CUX1: variants seen among roughly 807,000 people sequenced by gnomAD.
CUX1 encodes the protein protein CASP.
Under a neutral mutation model 158.8 loss-of-function variants are expected in CUX1, and 31 were observed. That is an observed-to-expected ratio of 0.20 (90% CI 0.15 to 0.26). The LOEUF is 0.26. CUX1 is among the 10% of genes least tolerant of loss of function. The pLI, the probability that CUX1 is intolerant of heterozygous loss-of-function variation, is 1.00. For missense variants in CUX1, 1,589 were observed against 2,014.6 expected (o/e 0.79, Z 4.04); for synonymous variants, 879 against 862.1 (o/e 1.02, Z -0.34).
chr7:101,838,369 A>T (rs1308704169), intron 1 of CUX1, among the ~76,000 whole-genome samples: 4 of 148,762 alleles, frequency 2.7e-5, no homozygotes. Flanking sequence ...ATCTCAGGTG[A>T]TCAACCCACC....
chr7:101,823,911 A>G (rs1019396194), intron 1 of CUX1, among the ~76,000 whole-genome samples: 3 of 152,192 alleles, frequency 2.0e-5, no homozygotes, highest in Non-Finnish European at 4.4e-5. Context: ...CACCCAGCAT[A>G]TGAAAAAACC....
chr7:102,186,302 C>T (rs949989079), intron 11 of CUX1, among the ~76,000 whole-genome samples: 1 of 152,088 alleles, frequency 6.6e-6, no homozygotes, highest in Non-Finnish European at 1.5e-5. Flanking sequence ...AGAAGCGTCG[C>T]CAAGCAGCCT....
chr7:102,206,227 G>T (rs140463853), intron 20 of CUX1, among the ~76,000 whole-genome samples: 49 of 152,258 alleles, frequency 3.2e-4, no homozygotes, highest in African/African-American at 1.2e-3. Flanking sequence ...AGAGTTCTGC[G>T]TGTTTTCCGT....
chr7:101,830,198 C>T (rs938157491), intron 1 of CUX1, among the ~76,000 whole-genome samples: 2 of 152,210 alleles, frequency 1.3e-5, no homozygotes, highest in African/African-American at 2.4e-5. Context: ...GATGTAGCCC[C>T]TGCAGTGATA....
At position 102,204,498 on chromosome 7, in the gene CUX1, G is replaced by T. The variant is rs782471761; in HGVS notation, c.3015G>T (p.Trp1005Cys). The stretch of plus-strand genomic sequence containing the variant: ...AACCCTTCATCCGGATGCAGCTCTG[G>T]CTGAACGGCGAGCTAGGCCAGGGTG... ...GREPFIRMQL[W>C]LNGELGQGVL... is the part of the protein sequence containing the mutation. Residue 1005 changes from tryptophan to cysteine, a missense_variant, in exon 19 of 24, where the codon TGG (tryptophan) becomes TGT (cysteine). Coordinates refer to ENST00000292535, the MANE Select transcript of CUX1 (RefSeq NM_181552.4). The T allele has an allele frequency of 6.2e-7, 1 of 1,613,796 alleles. No individual in the cohort carries two copies. Among genetic ancestry groups the T allele is most frequent in the South Asian group, 1.1e-5 (1 of 91,088 alleles).
At chr7:102,094,926 T>G (rs1277481326) in intron 4 of CUX1, among the ~76,000 whole-genome samples, 1 of 152,114 alleles carries the variant, frequency 6.6e-6, no homozygotes, top group Non-Finnish European at 1.5e-5. Flanking sequence ...AAACAGCACC[T>G]GGAATCTTTT....
chr7:101,822,907 A>G (rs1481959073), intron 1 of CUX1, among the ~76,000 whole-genome samples: 6 of 140,738 alleles, frequency 4.3e-5, no homozygotes, highest in Non-Finnish European at 1.5e-5. Flanking sequence ...TCTGTCTCAG[A>G]AAAAAAAAAA....
intron 20 of CUX1, among the ~76,000 whole-genome samples, chr7:102,209,550 G>A (rs1033459768): frequency 3.3e-5 from 5 of 152,122 alleles, no homozygotes; most frequent in African/African-American, 7.2e-5. Context: ...TTCCTGGTAC[G>A]TCTTAACTTT....
At chr7:102,184,680 C>G (rs547235057) in intron 11 of CUX1, among the ~76,000 whole-genome samples, 1 of 152,200 alleles carries the variant, frequency 6.6e-6, no homozygotes, top group African/African-American at 2.4e-5. Context: ...GGATCTTGCT[C>G]TTTTGCCCCA....
chr7:102,065,878 C>T (rs1184564868), intron 3 of CUX1, among the ~76,000 whole-genome samples: 1 of 99,584 alleles, frequency 1.0e-5, no homozygotes, highest in Non-Finnish European at 2.0e-5. Context: ...GCAACCTCCG[C>T]CTCCTGGGTT....
chr7:101,919,468 G>T (rs1251401200), intron 2 of CUX1, among the ~76,000 whole-genome samples: 1 of 152,186 alleles, frequency 6.6e-6, no homozygotes, highest in Non-Finnish European at 1.5e-5. Flanking sequence ...GGGTAGGACA[G>T]CCTGGCTTAC....
At chr7:101,896,131 C>G (rs1312112259) in intron 1 of CUX1, among the ~76,000 whole-genome samples, 3 of 151,868 alleles carry the variant, frequency 2.0e-5, no homozygotes, top group Admixed American at 6.6e-5. Context: ...ACTCCTGAAG[C>G]AATCCGCCCA....
At position 102,257,306 on chromosome 7, in the gene CUX1, C is replaced by CT. The variant is rs35391223; in HGVS notation, c.*8275dup. On this transcript the variant is annotated 3_prime_UTR_variant, in exon 24 of 24. Transcript: ENST00000292535. ...CAATGGTCCCCATCTCCCCAGAAGCCTTTTTTTTTTTCATTTTTCTCTAAT... is the reference window on the plus strand; with the variant it reads ...CAATGGTCCCCATCTCCCCAGAAGCCTTTTTTTTTTTTCATTTTTCTCTAAT... 0.21 allele frequency: 158,764 copies of CT among 771,940 alleles called. 5,252 individuals carry two copies. Among genetic ancestry groups the CT allele is most frequent in the Non-Finnish European group, 0.22 (138,625 of 639,884 alleles). 47.8% of individuals were successfully genotyped at this position (771,940 alleles called of 1,614,324 possible). A position where few individuals can be genotyped will look rare whatever the true frequency, so the allele number is the denominator to read the frequency against.
At chr7:102,006,514 A>C (rs1250716343) in intron 2 of CUX1, among the ~76,000 whole-genome samples, 1 of 152,194 alleles carries the variant, frequency 6.6e-6, no homozygotes, top group South Asian at 2.1e-4. Flanking sequence ...CTCATGCCTC[A>C]GCCTCCCGAG....
chr7:102,219,062 A>ACACACACACACACACACACACACG (rs1554525903), intron 20 of CUX1, among the ~76,000 whole-genome samples: 10 of 148,754 alleles, frequency 6.7e-5, no homozygotes, highest in Non-Finnish European at 1.3e-4. Context: ...CAAAACACAC[A>ACACACACACACACACACACACACG]CACACACACA....
At chr7:102,220,098 C>T (rs1425972216) in intron 20 of CUX1, among the ~76,000 whole-genome samples, 1 of 152,228 alleles carries the variant, frequency 6.6e-6, no homozygotes, top group Non-Finnish European at 1.5e-5. Flanking sequence ...AGTGGGATCA[C>T]ACCTGTAATC....
intron 3 of CUX1, among the ~76,000 whole-genome samples, chr7:102,042,571 C>G (rs1822240239): frequency 6.6e-6 from 1 of 152,120 alleles, no homozygotes; most frequent in East Asian, 1.9e-4. Flanking sequence ...TTTTTGATTT[C>G]CTGAAGGCTC....
At chr7:102,029,434 T>C (rs1820446996) in intron 3 of CUX1, among the ~76,000 whole-genome samples, 1 of 152,132 alleles carries the variant, frequency 6.6e-6, no homozygotes, top group Non-Finnish European at 1.5e-5. Context: ...GTGGGCCTTA[T>C]ATATGGAAGG....
chr7:102,218,646 C>G (rs927190693), intron 20 of CUX1, among the ~76,000 whole-genome samples: 2 of 151,726 alleles, frequency 1.3e-5, no homozygotes, highest in Non-Finnish European at 2.9e-5. Flanking sequence ...CGTGATTACG[C>G]CACTGCACTC....
Sources: gnomAD v4.1 joint callset for allele counts (sites outside exome capture counted in the v4.1 genomes callset) on GRCh38, gnomAD v4.1.1 for gene constraint, MANE v1.5 for transcripts, NCBI Gene and HGNC (gene_info 2026-07-23, HGNC 2026-07-21) for gene names.